RNF215: variants seen among roughly 807,000 people sequenced by gnomAD.
RNF215 encodes ring finger protein 215.
RNF215 carries 41 observed loss-of-function variants against 44.8 expected under a neutral mutation model. The observed-to-expected ratio is 0.92, with a 90% confidence interval of 0.71 to 1.19. The LOEUF (loss-of-function observed/expected upper bound fraction) is 1.19, where lower values mean the gene tolerates loss of function less well. RNF215 is among the 50% of genes most tolerant of loss of function. The pLI is 0.00. For missense variants in RNF215, 452 were observed against 496.2 expected, an observed-to-expected ratio of 0.91 and a Z score of 0.85; for synonymous variants, 218 against 230.1, an observed-to-expected ratio of 0.95 and a Z score of 0.48.
intron 4 of RNF215, 109 bp from the exon 5 acceptor site, chr22:30,384,604 C>T (rs369740037): frequency 5.8e-4 from 568 of 973,758 alleles, no homozygotes; most frequent in Middle Eastern, 5.4e-3. Context: ...GTCGCCCCTG[C>T]TGGCCTTACA....
chr22:30,381,171 C>G (rs554641833), intron 5 of RNF215, among the ~76,000 whole-genome samples: 3 of 152,232 alleles, frequency 2.0e-5, no homozygotes, highest in South Asian at 2.1e-4. Context: ...AATGCGCCCC[C>G]CTAACCTCCC....
At position 30,379,496 on chromosome 22, in the gene RNF215, T is replaced by C; in HGVS notation, c.*104A>G. On this transcript the variant is annotated 3_prime_UTR_variant, in exon 9 of 9. Coordinates refer to ENST00000382363, the MANE Select transcript of RNF215 (RefSeq NM_001017981.2). ...CTCCCACCCACTGGGCTTGCTGTCC[T>C]GTCTATCCTGCTGTCCCATCCTGTC... 1 of 1,409,484 alleles carries C rather than the reference T, an allele frequency of 7.1e-7. No individual in the cohort carries two copies. Among genetic ancestry groups the C allele is most frequent in the African/African-American group, 1.4e-5 (1 of 70,528 alleles). 87.3% of individuals were successfully genotyped at this position (1,409,484 alleles called of 1,614,324 possible).
intron 7 of RNF215, 45 bp from the exon 8 acceptor site, chr22:30,379,858 T>C: frequency 6.4e-7 from 1 of 1,552,900 alleles, no homozygotes; most frequent in Non-Finnish European, 8.8e-7. Context: ...GAAGCAGGAC[T>C]CCACGTGGGG....
intron 4 of RNF215, among the ~76,000 whole-genome samples, chr22:30,385,291 G>C (rs1440778190): frequency 6.6e-6 from 1 of 152,016 alleles, no homozygotes; most frequent in Non-Finnish European, 1.5e-5. Context: ...GCATGGTGGT[G>C]GGCACCTGTA....
At position 30,384,329 on chromosome 22, in the gene RNF215, T is replaced by G. The variant is rs775677792; in HGVS notation, c.744+10A>C. On this transcript the variant is annotated intron_variant, in intron 5 of 8. Coordinates refer to ENST00000382363, the MANE Select transcript of RNF215 (RefSeq NM_001017981.2). ...TTTCCCTAGGCCCCATGTAATCTGC[T>G]AGCACCCACCTGCTCCTGGGCACGA... 5.6e-6 allele frequency: 9 copies of G among 1,611,596 alleles called. No homozygotes were observed. The highest frequency in any genetic ancestry group is 5.1e-6 in the Non-Finnish European group (6 of 1,178,274).
In RNF215 at chr22:30,384,507, A is replaced by G. The variant is rs1933569516; in HGVS notation, c.588-12T>C. 6.2e-7 allele frequency: 1 copy of G among 1,611,838 alleles called. No homozygotes were observed. Among genetic ancestry groups the G allele is most frequent in the African/African-American group, 1.3e-5 (1 of 74,898 alleles). ...TGGCCTGGGTCCTCCTGGGAGGGGA[A>G]GTCACCGGGGCCAGATGGAAGGACT... On this transcript the variant is annotated splice_polypyrimidine_tract_variant and intron_variant, in intron 4 of 8. Transcript: ENST00000382363.
chr22:30,384,365 G>C lies in RNF215; in HGVS notation c.718C>G (p.Leu240Val). 1 of 1,613,984 alleles carries C rather than the reference G, an allele frequency of 6.2e-7. No individual in the cohort carries two copies. The highest frequency in any genetic ancestry group is 1.3e-5 in the African/African-American group (1 of 75,054). Residue 240 changes from leucine (L) to valine (V), a missense_variant, in exon 5 of 9, where the codon CTT (leucine) becomes GTT (valine). Transcript: ENST00000382363. ...TGCTCCTGGGCACGACTGCCTCCAAGGCAGACCAAGTCCTGCCATCCTCCA... is the reference window on the plus strand; with the variant it reads ...TGCTCCTGGGCACGACTGCCTCCAACGCAGACCAAGTCCTGCCATCCTCCA... ...GYGGWQDLVC[L>V]GGSRAQEQKP...
intron 5 of RNF215, among the ~76,000 whole-genome samples, chr22:30,381,003 G>A (rs1165856332): frequency 6.6e-6 from 1 of 152,212 alleles, no homozygotes; most frequent in African/African-American, 2.4e-5. Context: ...TCCCCTGCCT[G>A]AGCTCCTTCC....
Position 30,387,121 on chromosome 22 carries a change from T to C in RNF215, c.193A>G (p.Arg65Gly). 2 of 1,503,200 alleles carry C rather than the reference T, an allele frequency of 1.3e-6. No individual in the cohort carries two copies. The highest frequency in any genetic ancestry group is 1.8e-6 in the Non-Finnish European group (2 of 1,130,116). 93.1% of individuals were successfully genotyped at this position (1,503,200 alleles called of 1,614,324 possible). A position where few individuals can be genotyped will look rare whatever the true frequency, so the allele number is the denominator to read the frequency against. Residue 65 changes from arginine to glycine, a missense_variant, in exon 1 of 9, where the codon AGA becomes GGA. Physicochemically the swap from Arg to Gly is moderately radical, Grantham distance 125 (BLOSUM62 -2). Coordinates refer to ENST00000382363, the MANE Select transcript of RNF215 (RefSeq NM_001017981.2). The part of the protein sequence containing the change: ...GGARAVRVDV[R>G]LPRQDALVLE... ...ACCAGAGCGTCCTGGCGCGGCAGTCTCACGTCCACCCGCACGGCGCGGGCT... is the reference window on the plus strand; with the variant it reads ...ACCAGAGCGTCCTGGCGCGGCAGTCCCACGTCCACCCGCACGGCGCGGGCT...
In RNF215 at chr22:30,387,209, G is replaced by C; in HGVS notation, c.105C>G (p.Gly35=). 9.8e-7 allele frequency: 1 copy of C among 1,016,368 alleles called. No homozygotes were observed. The highest frequency in any genetic ancestry group is 1.2e-6 in the Non-Finnish European group (1 of 845,940). 63.0% of individuals were successfully genotyped at this position (1,016,368 alleles called of 1,614,324 possible). A position where few individuals can be genotyped will look rare whatever the true frequency, so the allele number is the denominator to read the frequency against. Residue 35 remains glycine (G), a synonymous_variant, in exon 1 of 9, where the codon GGC becomes GGG. Transcript: ENST00000382363. ...CCGCCGCGGCCCCGGGCCCCGCCAG[G>C]CCCAGCCACAGCGGCAGCAGGGGCA... ...LLLPLLPLWL[G]LAGPGAAADG...
At chr22:30,386,782 C>T (rs1208864244) in intron 1 of RNF215, 23 bp from the exon 2 acceptor site, 1 of 1,595,712 alleles carries the variant, frequency 6.3e-7, no homozygotes, top group African/African-American at 1.3e-5. Context: ...GGGCCATGAG[C>T]AGAGGGAGGT....
Position 30,384,477 on chromosome 22 carries a change from A to G in RNF215, c.606T>C (p.Ala202=), listed in dbSNP as rs988454370. Residue 202 remains alanine, a synonymous_variant, in exon 5 of 9, where the codon GCT becomes GCC. Transcript: ENST00000382363. The part of the protein sequence containing the change: ...DALLQRTQAT[A]EITSGESLSA... ...ACAGGGACTCTCCGCTGGTGATCTC[A>G]GCCGTGGCCTGGGTCCTCCTGGGAG... 1 of 1,612,682 alleles carries G rather than the reference A, an allele frequency of 6.2e-7. No individual in the cohort carries two copies. Among genetic ancestry groups the G allele is most frequent in the Non-Finnish European group, 8.5e-7 (1 of 1,178,916 alleles).
intron 5 of RNF215, among the ~76,000 whole-genome samples, chr22:30,381,942 A>G (rs370519517): frequency 6.6e-6 from 1 of 152,190 alleles, no homozygotes; most frequent in East Asian, 1.9e-4. Flanking sequence ...GGCCACCACC[A>G]GCTCTGTGCT....
rs1933522341 is a variant in RNF215 at position 30,380,952 on chromosome 22, C to T, written c.745-551G>A. On this transcript the variant is annotated intron_variant, in intron 5 of 8. Coordinates refer to ENST00000382363, the MANE Select transcript of RNF215 (RefSeq NM_001017981.2). This position sits in a 1 kb window ranked among gnomAD's most constrained non-coding sequence, Gnocchi z 5.3. ...CCCTCCTTGCCACCCACTTCCCACC[C>T]ACGGTCAGAGGGTTCTCCCCTGCAC... Among the ~76,000 whole-genome samples, 2 of 152,186 alleles carry T rather than the reference C, an allele frequency of 1.3e-5. No individual in the cohort carries two copies. The highest frequency in any genetic ancestry group is 4.8e-5 in the African/African-American group (2 of 41,450).
chr22:30,384,058 G>A (rs540561913), intron 5 of RNF215, among the ~76,000 whole-genome samples: 59 of 152,168 alleles, frequency 3.9e-4, no homozygotes, highest in Non-Finnish European at 2.6e-4. Flanking sequence ...GGAAAGCCAC[G>A]CAGAGGGGTC....
At chr22:30,386,028 C>A (rs1167597817) in intron 3 of RNF215, 39 bp from the exon 4 acceptor site, 3 of 1,613,784 alleles carry the variant, frequency 1.9e-6, no homozygotes, top group Non-Finnish European at 2.5e-6. Context: ...CTGGGTCCCC[C>A]TTTCCCCAGC....
Position 30,384,343 on chromosome 22 carries a change from T to TCCTGGGCACGTG in RNF215, c.739_740insCACGTGCCCAGG (p.Gln246_Glu247insAlaArgAlaGln). 6.2e-7 allele frequency: 1 copy of TCCTGGGCACGTG among 1,613,074 alleles called. No homozygotes were observed. Among genetic ancestry groups the TCCTGGGCACGTG allele is most frequent in the Non-Finnish European group, 8.5e-7 (1 of 1,179,236 alleles). On this transcript the variant is annotated inframe_insertion, in exon 5 of 9. Transcript: ENST00000382363. ...ATGTAATCTGCTAGCACCCACCTGC[T>TCCTGGGCACGTG]CCTGGGCACGACTGCCTCCAAGGCA...
At position 30,380,076 on chromosome 22, in the gene RNF215, A is replaced by G. The variant is rs1933503643; in HGVS notation, c.994T>C (p.Phe332Leu). Reference sequence around the variant, plus strand: ...GGGGCACTAGCCTGTTTGTTGCAGAAGTAGTCCAGGCACACCGCACAGGTC... The same window carrying G: ...GGGGCACTAGCCTGTTTGTTGCAGAGGTAGTCCAGGCACACCGCACAGGTC... ...AETCAVCLDY[F>L]CNKQWLRVLP... Residue 332 changes from phenylalanine (F) to leucine (L), a missense_variant, in exon 7 of 9, where the codon TTC (phenylalanine) becomes CTC (leucine). Physicochemically the swap from Phe to Leu is conservative, Grantham distance 22. Transcript: ENST00000382363. This position sits in a 1 kb window ranked among gnomAD's most constrained non-coding sequence, Gnocchi z 5.3. The G allele has an allele frequency of 6.2e-7, 1 of 1,613,752 alleles. No homozygotes were observed. The highest frequency in any genetic ancestry group is 1.3e-5 in the African/African-American group (1 of 74,858).
intron 1 of RNF215, 45 bp from the exon 2 acceptor site, chr22:30,386,804 G>T: frequency 2.5e-6 from 4 of 1,580,622 alleles, no homozygotes; most frequent in Non-Finnish European, 3.4e-6. Flanking sequence ...GGGTGTGGTG[G>T]GGGAGGGAGC....
Sources: allele counts gnomAD v4.1 joint callset (sites outside exome capture counted in the v4.1 genomes callset), GRCh38; gene constraint gnomAD v4.1.1; non-coding constraint Gnocchi (gnomAD v3.1); transcripts MANE v1.5; gene names NCBI Gene and HGNC (gene_info 2026-07-23, HGNC 2026-07-21).